RAPGEF1: variants seen among roughly 807,000 people sequenced by gnomAD.
RAPGEF1 encodes the protein CRK SH3-binding GNRP.
In RAPGEF1, 33 loss-of-function variants were observed where a neutral mutation model predicts 143.3. The observed-to-expected ratio is 0.23, with a 90% CI of 0.17 to 0.31. RAPGEF1 has a LOEUF of 0.31. Among genes scored for constraint, RAPGEF1 ranks in the 10% least tolerant of loss-of-function variants. The pLI, the probability that RAPGEF1 is intolerant of heterozygous loss-of-function variation, is 1.00. For synonymous variants in RAPGEF1, 629 were observed against 676.5 expected (o/e 0.93, Z 1.09); for missense variants, 1,199 against 1,645.4 (o/e 0.73, Z 4.69).
rs1290515064 is a variant in RAPGEF1, at chr9:131,580,363, C to T, written c.3541G>A (p.Val1181Ile). 8 of 1,613,818 alleles carry T rather than the reference C, an allele frequency of 5.0e-6. No homozygotes were observed. Among genetic ancestry groups the T allele is most frequent in the Non-Finnish European group, 6.8e-6 (8 of 1,179,826 alleles). Reference sequence around the variant, plus strand: ...ATGTAGTCTGGGTTTCCCAGGTGAACGAAGGTCAGGTCCTGCAGGATCAGC... The same window carrying T: ...ATGTAGTCTGGGTTTCCCAGGTGAATGAAGGTCAGGTCCTGCAGGATCAGC... The part of the protein sequence containing the change: ...LGLILQDLTF[V>I]HLGNPDYIDG... Residue 1181 changes from valine (V) to isoleucine (I), a missense_variant, in exon 26 of 27, where the codon GTT (valine) becomes ATT (isoleucine). Val to Ile is a conservative substitution (Grantham distance 29). Around this residue, in one of 6 missense-constraint regions of RAPGEF1, gnomAD observed 1 missense variants for 17.2 expected, o/e 0.06. Coordinates refer to ENST00000683357, the MANE Select transcript of RAPGEF1 (RefSeq NM_001377935.1).
At chr9:131,627,789 T>G in intron 9 of RAPGEF1, 124 bp downstream of exon 9, 1 of 1,003,126 alleles carries the variant, frequency 1.0e-6, no homozygotes, top group East Asian at 2.7e-5. Flanking sequence ...AGGCTCAGAT[T>G]TTAAACAAGT....
At chr9:131,627,041 G>C (rs1040268202) in intron 9 of RAPGEF1, among the ~76,000 whole-genome samples, 1 of 151,726 alleles carries the variant, frequency 6.6e-6, no homozygotes, top group Non-Finnish European at 1.5e-5. Flanking sequence ...GTGAAATCCC[G>C]TCTCTACTAA....
chr9:131,591,043 A>G (rs1048593522), intron 18 of RAPGEF1, among the ~76,000 whole-genome samples: 13 of 152,290 alleles, frequency 8.5e-5, no homozygotes, highest in Non-Finnish European at 5.9e-5. Context: ...GCACAGGTGT[A>G]AAGCACATCT....
intron 1 of RAPGEF1, among the ~76,000 whole-genome samples, chr9:131,727,249 G>C (rs1026451608): frequency 6.6e-6 from 1 of 152,070 alleles, no homozygotes; most frequent in African/African-American, 2.4e-5. Flanking sequence ...AATTCTATTT[G>C]ATCTTTCCAA....
intron 1 of RAPGEF1, among the ~76,000 whole-genome samples, chr9:131,711,505 C>T (rs1209728443): frequency 1.3e-5 from 2 of 151,864 alleles, no homozygotes; most frequent in Non-Finnish European, 2.9e-5. Flanking sequence ...TACAGGTGTG[C>T]GCCACCACAC....
Position 131,628,432 on chromosome 9 carries a change from C to G in RAPGEF1, c.1017+117G>C, listed in dbSNP as rs111994872. ...GATGGGTACAAGGTCTCGCACTCCT[C>G]GATGTGACAAACACCAGCGCCTGAA... On this transcript the variant is annotated intron_variant, in intron 8 of 26. Coordinates refer to ENST00000683357, the MANE Select transcript of RAPGEF1 (RefSeq NM_001377935.1). The surrounding 1 kb of genome is among the most constrained non-coding windows in gnomAD (Gnocchi z 5.7). The G allele has an allele frequency of 1.5e-6, 2 of 1,372,084 alleles. No individual in the cohort carries two copies. The highest frequency in any genetic ancestry group is 1.4e-5 in the African/African-American group (1 of 69,166). The allele number at this position is 1,372,084 out of a possible 1,614,324, so 85.0% of individuals were successfully genotyped here.
Position 131,628,465 on chromosome 9 carries a change from G to C in RAPGEF1, c.1017+84C>G. 1 of 1,540,598 alleles carries C rather than the reference G, an allele frequency of 6.5e-7. No individual in the cohort carries two copies. Among genetic ancestry groups the C allele is most frequent in the Admixed American group, 1.9e-5 (1 of 53,348 alleles). ...CAAACACCAGCGCCTGAAGACCATG[G>C]GTTTCTTTCAGCTTCAGGAGCCACA... On this transcript the variant is annotated intron_variant, in intron 8 of 26. Coordinates refer to ENST00000683357, the MANE Select transcript of RAPGEF1 (RefSeq NM_001377935.1). This position sits in a 1 kb window ranked among gnomAD's most constrained non-coding sequence, Gnocchi z 5.7.
At chr9:131,633,654 G>T (rs188419885) in intron 5 of RAPGEF1, among the ~76,000 whole-genome samples, 14 of 152,018 alleles carry the variant, frequency 9.2e-5, no homozygotes, top group Non-Finnish European at 1.8e-4. Context: ...CAAAGATGAC[G>T]TCATGATCCC....
chr9:131,592,414 A>G (rs577182402), intron 17 of RAPGEF1, among the ~76,000 whole-genome samples: 1 of 152,148 alleles, frequency 6.6e-6, no homozygotes, highest in African/African-American at 2.4e-5. Flanking sequence ...CAGATCAGAG[A>G]GGGGAAACAG....
intron 5 of RAPGEF1, among the ~76,000 whole-genome samples, chr9:131,634,068 C>T (rs1411960543): frequency 3.3e-5 from 5 of 152,300 alleles, no homozygotes; most frequent in Non-Finnish European, 5.9e-5. Context: ...TCAAAACCAG[C>T]CTGGGCAACA....
chr9:131,594,941 G>A (rs1231847042), intron 17 of RAPGEF1, among the ~76,000 whole-genome samples: 2 of 152,234 alleles, frequency 1.3e-5, no homozygotes, highest in Admixed American at 6.5e-5. Context: ...TCGCTCCCAT[G>A]CCTGGCTGAG....
Position 131,628,510 on chromosome 9 carries a change from C to G in RAPGEF1, c.1017+39G>C. ...GCCACATCCCTGAGCCCCCCACCCC[C>G]TCCCTGCCTTCCCATGCAGGGAACA... is the stretch of plus-strand genomic sequence containing the variant. On this transcript the variant is annotated intron_variant, in intron 8 of 26. Transcript: ENST00000683357. The surrounding 1 kb of genome is among the most constrained non-coding windows in gnomAD (Gnocchi z 5.7). The G allele has an allele frequency of 6.2e-7, 1 of 1,600,148 alleles. No homozygotes were observed. Among genetic ancestry groups the G allele is most frequent in the Non-Finnish European group, 8.5e-7 (1 of 1,169,778 alleles).
chr9:131,713,495 A>C (rs1835653645), intron 1 of RAPGEF1, among the ~76,000 whole-genome samples: 1 of 152,098 alleles, frequency 6.6e-6, no homozygotes, highest in South Asian at 2.1e-4. Flanking sequence ...GTGTGAAGGA[A>C]TTGGCTTTGA....
At chr9:131,613,974 C>T (rs374272397) in intron 12 of RAPGEF1, among the ~76,000 whole-genome samples, 1 of 152,178 alleles carries the variant, frequency 6.6e-6, no homozygotes, top group Non-Finnish European at 1.5e-5. Flanking sequence ...GAAGCACCTA[C>T]GTACTACGTG....
chr9:131,613,781 A>G (rs1327637337), intron 12 of RAPGEF1, among the ~76,000 whole-genome samples: 1 of 152,158 alleles, frequency 6.6e-6, no homozygotes, highest in African/African-American at 2.4e-5. Flanking sequence ...GGACTTGTAG[A>G]TTCTGCCTCA....
intron 22 of RAPGEF1, among the ~76,000 whole-genome samples, chr9:131,586,784 A>T (rs1197806046): frequency 1.9e-5 from 2 of 106,024 alleles, no homozygotes; most frequent in Non-Finnish European, 3.9e-5. Flanking sequence ...CTGCAGAGCG[A>T]GACTCCGTCA....
At chr9:131,729,412 A>G (rs1836879238) in intron 1 of RAPGEF1, among the ~76,000 whole-genome samples, 1 of 152,248 alleles carries the variant, frequency 6.6e-6, no homozygotes, top group Admixed American at 6.5e-5. Flanking sequence ...GCCATCTGTG[A>G]AAGGTTTCTC....
intron 1 of RAPGEF1, among the ~76,000 whole-genome samples, chr9:131,739,204 TC>T (rs1439922034): frequency 6.6e-6 from 1 of 151,988 alleles, no homozygotes; most frequent in Non-Finnish European, 1.5e-5. Flanking sequence ...AACCCACCGG[TC>T]CCCCACCTGC....
intron 1 of RAPGEF1, among the ~76,000 whole-genome samples, chr9:131,733,665 C>T (rs1353096631): frequency 1.3e-5 from 2 of 152,014 alleles, no homozygotes; most frequent in Admixed American, 6.5e-5. Flanking sequence ...GAACACCTGT[C>T]CCGGCGGCGA....
Sources: allele counts gnomAD v4.1 joint callset (sites outside exome capture counted in the v4.1 genomes callset), GRCh38; gene constraint gnomAD v4.1.1; regional missense constraint gnomAD v4.1.1; non-coding constraint Gnocchi (gnomAD v3.1); transcripts MANE v1.5; gene names NCBI Gene and HGNC (gene_info 2026-07-23, HGNC 2026-07-21).